ROBO2: variants seen among roughly 807,000 people sequenced by gnomAD.
ROBO2 encodes the protein roundabout homolog 2.
A neutral mutation model predicts 160.8 loss-of-function variants in ROBO2; 53 were observed. That is an observed-to-expected ratio of 0.33 (90% CI 0.26 to 0.41). ROBO2 has a LOEUF of 0.41. ROBO2 is among the 10% of genes least tolerant of loss of function. ROBO2 has a pLI of 1.00. For synonymous variants in ROBO2, 664 were observed against 611.7 expected, an observed-to-expected ratio of 1.09 and a Z score of -1.26; for missense variants, 1,577 against 1,722.4, an observed-to-expected ratio of 0.92 and a Z score of 1.49.
chr3:76,578,688 GC>G (rs2085467023), intron 2 of ROBO2, among the ~76,000 whole-genome samples: 1 of 151,856 alleles, frequency 6.6e-6, no homozygotes, highest in South Asian at 2.1e-4. Context: ...TATTGTCTTA[GC>G]CCAGCAATCT....
At chr3:77,263,056 C>T (rs2058879996) in intron 2 of ROBO2, among the ~76,000 whole-genome samples, 1 of 152,000 alleles carries the variant, frequency 6.6e-6, no homozygotes, top group African/African-American at 2.4e-5. Flanking sequence ...ATTCTGTTTT[C>T]TACGTTGTAG....
chr3:76,679,097 T>A (rs1257513563), intron 2 of ROBO2, among the ~76,000 whole-genome samples: 1 of 110,402 alleles, frequency 9.1e-6, no homozygotes, highest in African/African-American at 3.8e-5. Flanking sequence ...TTCAGAACTT[T>A]AACAGAGCTT....
At chr3:76,680,383 A>G (rs2092527829) in intron 2 of ROBO2, among the ~76,000 whole-genome samples, 1 of 151,454 alleles carries the variant, frequency 6.6e-6, no homozygotes, top group African/African-American at 2.4e-5. Context: ...AACGGCGAAC[A>G]AAACCAGATT....
At chr3:76,345,585 T>C (rs1032321264) in intron 2 of ROBO2, among the ~76,000 whole-genome samples, 3 of 151,908 alleles carry the variant, frequency 2.0e-5, no homozygotes, top group Middle Eastern at 3.4e-3. Context: ...TTTTCCCTGA[T>C]TTTTTTAACC....
intron 2 of ROBO2, among the ~76,000 whole-genome samples, chr3:76,084,203 GAAAC>G (rs1420753543): frequency 2.6e-5 from 4 of 152,024 alleles, no homozygotes; most frequent in African/African-American, 4.8e-5. Context: ...GCAAATCTGA[GAAAC>G]AAAGAAGCAA....
intron 2 of ROBO2, among the ~76,000 whole-genome samples, chr3:76,242,521 T>G (rs1196127686): frequency 6.6e-6 from 1 of 152,186 alleles, no homozygotes; most frequent in Non-Finnish European, 1.5e-5. Context: ...GTTTCTCTGC[T>G]CTGTCTTTCC....
chr3:76,234,176 A>G (rs111899788), intron 2 of ROBO2, among the ~76,000 whole-genome samples: 3,059 of 152,290 alleles, frequency 0.02, 175 homozygotes, highest in East Asian at 0.18. Context: ...GTTGCATAGT[A>G]TTCCACGTGT....
chr3:77,181,527 A>T (rs572690310), intron 2 of ROBO2, among the ~76,000 whole-genome samples: 6 of 152,124 alleles, frequency 3.9e-5, no homozygotes, highest in African/African-American at 1.4e-4. Flanking sequence ...AAATCAAGAG[A>T]TAAGTATAAT....
rs149258675 is a variant in ROBO2 at position 76,497,667 on chromosome 3, T to C, written c.109+560065T>C. On this transcript the variant is annotated intron_variant, in intron 2 of 26. Coordinates refer to the ROBO2 transcript ENST00000487694. Reference sequence around the variant, plus strand: ...AGGTGGTAGTTACAGGCAAGTCACGTTGAAATCAGTAGATTTTGAGTGAAG... The same window carrying C: ...AGGTGGTAGTTACAGGCAAGTCACGCTGAAATCAGTAGATTTTGAGTGAAG... Among the ~76,000 whole-genome samples the C allele has an allele frequency of 6.0e-4, 92 of 152,356 alleles. 2 individuals are homozygous for C. The East Asian group carries it at 0.018, about 29-fold the overall frequency.
At chr3:77,343,843 G>A (rs2067330633) in intron 2 of ROBO2, among the ~76,000 whole-genome samples, 1 of 152,132 alleles carries the variant, frequency 6.6e-6, no homozygotes, top group Non-Finnish European at 1.5e-5. Flanking sequence ...GTGAATGAGA[G>A]AGCTTTACTG....
chr3:76,376,984 G>A (rs1239432711), intron 2 of ROBO2, among the ~76,000 whole-genome samples: 4 of 152,146 alleles, frequency 2.6e-5, no homozygotes, highest in Admixed American at 2.0e-4. Context: ...TGTTGTGCAT[G>A]CTTGGGCTAC....
At chr3:77,638,135 G>A (rs2095294022) in intron 24 of ROBO2, among the ~76,000 whole-genome samples, 1 of 152,110 alleles carries the variant, frequency 6.6e-6, no homozygotes, top group African/African-American at 2.4e-5. Flanking sequence ...TAAGAACATT[G>A]TTATTTTGCA....
intron 2 of ROBO2, among the ~76,000 whole-genome samples, chr3:76,419,768 C>T (rs2075912196): frequency 6.6e-6 from 1 of 152,106 alleles, no homozygotes; most frequent in African/African-American, 2.4e-5. Flanking sequence ...AATCATGTAG[C>T]TGAATCCTGG....
chr3:77,184,455 C>G (rs544701483), intron 2 of ROBO2, among the ~76,000 whole-genome samples: 1 of 151,808 alleles, frequency 6.6e-6, no homozygotes, highest in Non-Finnish European at 1.5e-5. Context: ...AATATATGAT[C>G]CAGAAGTGAT....
intron 2 of ROBO2, among the ~76,000 whole-genome samples, chr3:76,418,225 A>T (rs1056899095): frequency 4.0e-5 from 6 of 148,412 alleles, no homozygotes; most frequent in African/African-American, 1.5e-4. Flanking sequence ...ACTGTCGCCA[A>T]ACAAATAGAG....
At chr3:76,926,094 A>T (rs9857052) in intron 2 of ROBO2, among the ~76,000 whole-genome samples, 69,788 of 151,940 alleles carry the variant, frequency 0.46, 16,415 homozygotes, top group African/African-American at 0.56. Flanking sequence ...GTTTTTCTTG[A>T]TTGATGCAAA....
rs1265080912 is a variant in ROBO2, at chr3:77,293,935, T to A, written c.389-183479T>A. ...GATCACCCCAGACATAAAGTAAAAT[T>A]GATGGTTAAACGGGTAAGCTGAGGC... On this transcript the variant is annotated intron_variant, in intron 2 of 25. Coordinates refer to ENST00000461745, the Ensembl canonical transcript of ROBO2. 2.1e-5 allele frequency among the ~76,000 whole-genome samples: 3 copies of A among 141,756 alleles called. No homozygotes were observed. In the East Asian group the frequency reaches 6.0e-4, roughly 28 times the overall value. The allele number at this position is 141,756 out of a possible 152,430, so 93.0% of individuals were successfully genotyped here. A position where few individuals can be genotyped will look rare whatever the true frequency, so the allele number is the denominator to read the frequency against.
chr3:76,625,067 C>T (rs953248122), intron 2 of ROBO2, among the ~76,000 whole-genome samples: 1 of 152,114 alleles, frequency 6.6e-6, no homozygotes, highest in South Asian at 2.1e-4. Context: ...TCCATCTCCT[C>T]GCCTCATTTT....
chr3:77,245,678 TCA>T, intron 2 of ROBO2, among the ~76,000 whole-genome samples: 1 of 152,358 alleles, frequency 6.6e-6, no homozygotes, highest in African/African-American at 2.4e-5. Context: ...TTTCTGATTC[TCA>T]TTCGAGTGAG....
Sources: gnomAD v4.1 joint callset for allele counts (sites outside exome capture counted in the v4.1 genomes callset) on GRCh38, gnomAD v4.1.1 for gene constraint, MANE v1.5 for transcripts, NCBI Gene and HGNC (gene_info 2026-07-23, HGNC 2026-07-21) for gene names.